The following EPHA3 variants were observed in gnomAD, a reference collection of about 807,000 sequenced individuals.
EPHA3 encodes EPH receptor A3, also known as ephrin type-A receptor 3.
Under a neutral mutation model 107.1 loss-of-function variants are expected in EPHA3, and 42 were observed. That is an observed-to-expected ratio of 0.39 (90% CI 0.31 to 0.51). EPHA3 has a LOEUF of 0.51. Ranked by LOEUF, EPHA3 falls within the 20% of genes least tolerant of loss-of-function variation. EPHA3 has a pLI of 0.78. For missense variants in EPHA3, 1,183 were observed against 1,211.2 expected (o/e 0.98, Z 0.35); for synonymous variants, 461 against 424.8 (o/e 1.09, Z -1.05).
Position 89,245,899 on chromosome 3 carries a change from G to A in EPHA3, c.814+35379G>A, listed in dbSNP as rs553125891. Reference sequence around the variant, plus strand: ...GATGTAAAGGTAAGAGGATAATAAGGTTACGTAAAGCCCTGCAATATACAA... The same window carrying A: ...GATGTAAAGGTAAGAGGATAATAAGATTACGTAAAGCCCTGCAATATACAA... On this transcript the variant is annotated intron_variant, in intron 3 of 16. Transcript: ENST00000336596. Among the ~76,000 whole-genome samples, 8 of 152,248 alleles carry A rather than the reference G, an allele frequency of 5.3e-5. No individual in the cohort carries two copies. In the East Asian group the frequency reaches 1.5e-3, roughly 29 times the overall value.
intron 2 of EPHA3, among the ~76,000 whole-genome samples, chr3:89,208,483 A>AAGGAAAGG (rs775843955): frequency 7.0e-6 from 1 of 142,584 alleles, no homozygotes; most frequent in Non-Finnish European, 1.5e-5. Flanking sequence ...AGAAAGAAAG[A>AAGGAAAGG]GAAAAAGAAA....
At chr3:89,171,955 A>C in intron 2 of EPHA3, among the ~76,000 whole-genome samples, 1 of 152,120 alleles carries the variant, frequency 6.6e-6, no homozygotes, top group Non-Finnish European at 1.5e-5. Context: ...TGGAAGGCTT[A>C]AAAAGTAGTG....
chr3:89,359,768 C>CATATATATACATATAT (rs1351709454), intron 5 of EPHA3, among the ~76,000 whole-genome samples: 104 of 104,016 alleles, frequency 1.0e-3, no homozygotes, highest in African/African-American at 2.6e-3. Flanking sequence ...CACATATATA[C>CATATATATACATATAT]ACACATATAT....
At chr3:89,349,575 G>T (rs1259711514) in intron 5 of EPHA3, among the ~76,000 whole-genome samples, 19 of 145,912 alleles carry the variant, frequency 1.3e-4, no homozygotes, top group Non-Finnish European at 2.7e-4. Flanking sequence ...TATCCAATTT[G>T]CCAGTCTGTG....
At chr3:89,230,965 C>CCATAGATACT (rs765063368) in intron 3 of EPHA3, among the ~76,000 whole-genome samples, 31 of 151,874 alleles carry the variant, frequency 2.0e-4, no homozygotes, top group Non-Finnish European at 4.0e-4. Flanking sequence ...GGCTAAGTAT[C>CCATAGATACT]TATGAATCTG....
chr3:89,219,688 GTTTTT>G lies in EPHA3; in HGVS notation c.814+9178_814+9182del, dbSNP rs1553666928. 3.5e-4 allele frequency among the ~76,000 whole-genome samples: 12 copies of G among 34,438 alleles called. 1 individual carries two copies. The highest frequency in any genetic ancestry group is 3.2e-3 in the Admixed American group (8 of 2,492). The allele number at this position is 34,438 out of a possible 152,430, so 22.6% of individuals were successfully genotyped here. A position where few individuals can be genotyped will look rare whatever the true frequency, so the allele number is the denominator to read the frequency against. On this transcript the variant is annotated intron_variant, in intron 3 of 16. Coordinates refer to ENST00000336596, the MANE Select transcript of EPHA3 (RefSeq NM_005233.6). The stretch of plus-strand genomic sequence containing the variant: ...TTACCTCCAAGAGGCATTTGGCAAT[GTTTTT>G]TTTTTTTTTGTTTTTTGTTTTTTTT...
At chr3:89,407,449 G>C (rs1405602854) in intron 8 of EPHA3, 78 bp downstream of exon 8, 1 of 1,139,902 alleles carries the variant, frequency 8.8e-7, no homozygotes, top group Admixed American at 1.9e-5. Flanking sequence ...AAAATGTGAA[G>C]AGTGTGCTCA....
chr3:89,322,257 A>C (rs780196399), intron 3 of EPHA3, among the ~76,000 whole-genome samples: 3 of 152,072 alleles, frequency 2.0e-5, no homozygotes, highest in Non-Finnish European at 2.9e-5. Context: ...CACCTAAAAG[A>C]GCCTGCCAAT....
chr3:89,144,535 A>G (rs1704494860), intron 2 of EPHA3, among the ~76,000 whole-genome samples: 2 of 151,748 alleles, frequency 1.3e-5, no homozygotes, highest in African/African-American at 4.8e-5. Flanking sequence ...CATTACAACA[A>G]ACCTTTCAGT....
chr3:89,230,823 C>T (rs973509008), intron 3 of EPHA3, among the ~76,000 whole-genome samples: 6 of 142,964 alleles, frequency 4.2e-5, no homozygotes, highest in South Asian at 2.2e-4. Context: ...CTCTCTCTCT[C>T]TCACACACAC....
chr3:89,302,643 C>T (rs531954630), intron 3 of EPHA3, among the ~76,000 whole-genome samples: 86 of 152,120 alleles, frequency 5.7e-4, no homozygotes, highest in Non-Finnish European at 1.0e-3. Context: ...CCCTTCTCTC[C>T]ACATGTTTTA....
At chr3:89,135,747 A>T (rs1704296729) in intron 2 of EPHA3, among the ~76,000 whole-genome samples, 1 of 132,732 alleles carries the variant, frequency 7.5e-6, no homozygotes, top group Admixed American at 8.6e-5. Context: ...CTGGCTTGTG[A>T]ACTGAAGTTT....
At position 89,219,768 on chromosome 3, in the gene EPHA3, GCGGGATCT is replaced by G. The variant is rs1312496147; in HGVS notation, c.814+9252_814+9259del. ...CTGTCGCCCAGGCTGGAGTGCAGTG[GCGGGATCT>G]CGGCTCACTGCAAGCTCCACCTCCC... On this transcript the variant is annotated intron_variant, in intron 3 of 16. Transcript: ENST00000336596. Among the ~76,000 whole-genome samples the G allele has an allele frequency of 1.7e-4, 21 of 121,186 alleles. No individual in the cohort carries two copies. In the Admixed American group the frequency reaches 2.0e-3, roughly 12 times the overall value. The allele number at this position is 121,186 out of a possible 152,430, so 79.5% of individuals were successfully genotyped here. A position where few individuals can be genotyped will look rare whatever the true frequency, so the allele number is the denominator to read the frequency against.
chr3:89,154,986 T>A (rs1489238123), intron 2 of EPHA3, among the ~76,000 whole-genome samples: 4 of 150,750 alleles, frequency 2.7e-5, no homozygotes, highest in Non-Finnish European at 5.9e-5. Flanking sequence ...TCAAACTTTT[T>A]AAAATTTTTT....
Position 89,431,206 on chromosome 3 carries a change from A to G in EPHA3, c.2193A>G (p.Ala731=), listed in dbSNP as rs776692685. The G allele has an allele frequency of 3.7e-6, 6 of 1,613,824 alleles. No individual in the cohort carries two copies. In the African/African-American group the frequency reaches 4.0e-5, roughly 11 times the overall value. The change falls in exon 13 of 17, where the codon GCA becomes GCG. Residue 731 remains alanine (A), a synonymous_variant. Transcript: ENST00000336596. ...TAGTGGGGATGCTTCGAGGGATAGC[A>G]TCTGGCATGAAGTACCTGTCAGACA... is the stretch of plus-strand genomic sequence containing the variant. ...IQLVGMLRGI[A]SGMKYLSDMG...
rs1708093149 is a variant in EPHA3, at chr3:89,361,671, G to T, written c.1306+19581G>T. ...GAAATTTACCCTTTAAAGTTTCCTG[G>T]AGCTAAGACGAACATTTTCTGAGCG... is the stretch of plus-strand genomic sequence containing the variant. On this transcript the variant is annotated intron_variant, in intron 5 of 16. Coordinates refer to ENST00000336596, the MANE Select transcript of EPHA3 (RefSeq NM_005233.6). Among the ~76,000 whole-genome samples, 4 of 150,960 alleles carry T rather than the reference G, an allele frequency of 2.6e-5. No homozygotes were observed. The Admixed American group carries it at 2.7e-4, about 10-fold the overall frequency.
At chr3:89,169,252 T>C (rs1418585550) in intron 2 of EPHA3, among the ~76,000 whole-genome samples, 5 of 152,124 alleles carry the variant, frequency 3.3e-5, no homozygotes, top group African/African-American at 1.2e-4. Context: ...TGTTTTTTTT[T>C]CTAATTTTAA....
Position 89,467,072 on chromosome 3 carries a change from T to A in EPHA3, c.2691-5392T>A, listed in dbSNP as rs192090389. On this transcript the variant is annotated intron_variant, in intron 15 of 16. Coordinates refer to ENST00000336596, the MANE Select transcript of EPHA3 (RefSeq NM_005233.6). The stretch of plus-strand genomic sequence containing the variant: ...ATTCAAAATTATTTTTAGTTACTGA[T>A]GAAAAATTAAATTCATTTTATCGTA... 2.4e-4 allele frequency among the ~76,000 whole-genome samples: 36 copies of A among 152,296 alleles called. No homozygotes were observed. In the East Asian group the frequency reaches 2.5e-3, roughly 11 times the overall value.
At chr3:89,151,124 T>C (rs1461400935) in intron 2 of EPHA3, among the ~76,000 whole-genome samples, 1 of 151,992 alleles carries the variant, frequency 6.6e-6, no homozygotes, top group Non-Finnish European at 1.5e-5. Flanking sequence ...AAGGAACAAC[T>C]GATGATGCAT....
Sources: gnomAD v4.1 joint callset for allele counts (sites outside exome capture counted in the v4.1 genomes callset) on GRCh38, gnomAD v4.1.1 for gene constraint, MANE v1.5 for transcripts, NCBI Gene and HGNC (gene_info 2026-07-23, HGNC 2026-07-21) for gene names.